Variants in DHPS observed in about 807,000 individuals in gnomAD.
DHPS encodes migration-inducing gene 13.
In DHPS, 24 loss-of-function variants were observed where a neutral mutation model predicts 38.7. The observed-to-expected ratio is 0.62, with a 90% CI of 0.45 to 0.87. DHPS has a LOEUF of 0.87. DHPS is among the 40% of genes least tolerant of loss of function. The pLI is 0.00. For missense variants in DHPS, 510 were observed against 497.6 expected, an observed-to-expected ratio of 1.02 and a Z score of -0.24; for synonymous variants, 250 against 204.4, an observed-to-expected ratio of 1.22 and a Z score of -1.90.
intron 2 of DHPS, 79 bp downstream of exon 2, chr19:12,680,082 G>T: frequency 6.3e-7 from 1 of 1,582,858 alleles, no homozygotes; most frequent in Non-Finnish European, 8.6e-7. Flanking sequence ...ACCCCTATCT[G>T]CCCATCTCAC....
rs757017548 is a variant in DHPS, at chr19:12,679,552, G to A, written c.592-9C>T. The A allele has an allele frequency of 3.1e-6, 5 of 1,614,050 alleles. No individual in the cohort carries two copies. In the African/African-American group the frequency reaches 4.0e-5, roughly 13 times the overall value. The stretch of plus-strand genomic sequence containing the variant: ...GGCGTCCACTTTACACCCTAGGAGA[G>A]GATGTGACCTTCAGGCCATGCCTCC... On this transcript the variant is annotated splice_polypyrimidine_tract_variant and intron_variant, in intron 4 of 8. Coordinates refer to ENST00000210060, the MANE Select transcript of DHPS (RefSeq NM_001930.4).
chr19:12,675,003 A>G (rs1366126335), downstream of DHPS, among the ~76,000 whole-genome samples: 1 of 151,922 alleles, frequency 6.6e-6, no homozygotes, highest in Non-Finnish European at 1.5e-5. Context: ...AATCCCACCT[A>G]CTCGGGAGGC....
Position 12,681,550 on chromosome 19 carries a change from C to T in DHPS, c.207+10G>A. The T allele has an allele frequency of 1.2e-6, 2 of 1,614,182 alleles. No homozygotes were observed. The highest frequency in any genetic ancestry group is 1.7e-6 in the Non-Finnish European group (2 of 1,179,988). ...CCTCCGCGTCCCTAGAAATTCCGCC[C>T]GGTCCTCACCATGGCATTGACTTGC... On this transcript the variant is annotated intron_variant, in intron 1 of 8. Transcript: ENST00000210060.
downstream of DHPS, among the ~76,000 whole-genome samples, chr19:12,674,605 T>C (rs2024515198): frequency 6.6e-6 from 1 of 152,172 alleles, no homozygotes. Flanking sequence ...AAGCATGGCT[T>C]GCTTGAGGAA....
At chr19:12,672,829 A>G (rs1185017124), downstream of DHPS, 2 of 1,568,796 alleles carry the variant, frequency 1.3e-6, no homozygotes, top group African/African-American at 1.4e-5. Flanking sequence ...TTCCCGCTGG[A>G]TCTACCCTCT....
intron 2 of DHPS, 40 bp from the exon 3 acceptor site, chr19:12,679,962 C>A (rs369501344): frequency 9.4e-6 from 15 of 1,591,160 alleles, no homozygotes; most frequent in Non-Finnish European, 1.3e-5. Flanking sequence ...AAGAAGGAAG[C>A]CCCTGCCCTC....
rs1160287106 is a variant in DHPS, at chr19:12,675,900, G to C, written c.1048C>G (p.Leu350Val). The C allele has an allele frequency of 6.2e-7, 1 of 1,610,270 alleles. No homozygotes were observed. ...YADASLVFPL[L>V]VAETFAQKMD... ...TTCTGGGCAAAGGTTTCAGCCACAAGCAGGGGGAAGACCAGGGAGGCGTCA... is the reference window on the plus strand; with the variant it reads ...TTCTGGGCAAAGGTTTCAGCCACAACCAGGGGGAAGACCAGGGAGGCGTCA... The change falls in exon 9 of 9, where the codon CTT becomes GTT. Residue 350 changes from leucine to valine, a missense_variant. Leu to Val is a conservative substitution (Grantham distance 32). Coordinates refer to ENST00000210060, the MANE Select transcript of DHPS (RefSeq NM_001930.4).
At chr19:12,673,076 T>C (rs1157249470), downstream of DHPS, 1 of 1,611,890 alleles carries the variant, frequency 6.2e-7, no homozygotes, top group Admixed American at 1.7e-5. Flanking sequence ...GGACTCCACA[T>C]TGCGGCTCCT....
chr19:12,679,610 G>A lies in DHPS; in HGVS notation c.591+13C>T, dbSNP rs767828267. On this transcript the variant is annotated intron_variant, in intron 4 of 8. Transcript: ENST00000210060. ...CCCACTGAACTGGCCCCTCCAGGTT[G>A]CCCCAGCCCCACCTCTGTGTTCTGC... 1.2e-6 allele frequency: 2 copies of A among 1,614,072 alleles called. No homozygotes were observed. The highest frequency in any genetic ancestry group is 1.7e-5 in the Admixed American group (1 of 60,010).
intron 5 of DHPS, 117 bp downstream of exon 5, chr19:12,679,340 C>T: frequency 9.9e-7 from 1 of 1,011,186 alleles, no homozygotes; most frequent in Non-Finnish European, 1.5e-6. Flanking sequence ...TTTGAGTCTC[C>T]TCATCTAAGA....
downstream of DHPS, chr19:12,675,681 G>T (rs757984573): frequency 2.1e-5 from 34 of 1,599,632 alleles, no homozygotes; most frequent in African/African-American, 2.7e-5. Context: ...GAAGCCAGGG[G>T]ACCCACCAAC....
At chr19:12,676,578 CA>C in intron 7 of DHPS, 1 of 219,486 alleles carries the variant, frequency 4.6e-6, no homozygotes, top group African/African-American at 2.3e-5. Flanking sequence ...GTGCAAAAGC[CA>C]AAGCCCCGCC....
At chr19:12,674,602 G>A (rs1028476746), downstream of DHPS, among the ~76,000 whole-genome samples, 4 of 152,218 alleles carry the variant, frequency 2.6e-5, no homozygotes, top group Non-Finnish European at 5.9e-5. Context: ...AGGAAGCATG[G>A]CTTGCTTGAG....
At chr19:12,680,076 C>G in intron 2 of DHPS, 85 bp downstream of exon 2, 1 of 1,579,806 alleles carries the variant, frequency 6.3e-7, no homozygotes, top group Non-Finnish European at 8.7e-7. Context: ...TAACAGACCC[C>G]TATCTGCCCA....
intron 7 of DHPS, 60 bp from the exon 8 acceptor site, chr19:12,676,202 G>C (rs2024581809): frequency 3.4e-6 from 4 of 1,178,028 alleles, no homozygotes; most frequent in African/African-American, 1.7e-5. Context: ...CAGACACAGA[G>C]GGAGGACACC....
chr19:12,678,258 CAAAA>C (rs200039394), intron 5 of DHPS, among the ~76,000 whole-genome samples: 1 of 114,384 alleles, frequency 8.7e-6, no homozygotes, highest in East Asian at 2.6e-4. Context: ...AACTCCGTCT[CAAAA>C]AAAAAAAAAG....
At chr19:12,675,651 G>T, downstream of DHPS, 1 of 1,601,388 alleles carries the variant, frequency 6.2e-7, no homozygotes. Context: ...AGGCCTATGA[G>T]GCAGAGGATG....
downstream of DHPS, chr19:12,673,409 T>A (rs530210026): frequency 1.1e-5 from 4 of 367,694 alleles, no homozygotes; most frequent in East Asian, 6.4e-5. Flanking sequence ...AAGGCTAGGA[T>A]CTTTTTTTTT....
Position 12,680,223 on chromosome 19 carries a change from T to C in DHPS, c.310A>G (p.Thr104Ala). ...ATGCCTGAACTGATGAGGTTGGATG[T>C]ATATCCCAGGAAAATGGTGCAGCTG... ...LTSCTIFLGY[T>A]SNLISSGIRE... The change falls in exon 2 of 9, where the codon ACA (threonine) becomes GCA (alanine). Residue 104 changes from threonine to alanine, a missense_variant. Transcript: ENST00000210060. The C allele has an allele frequency of 6.2e-7, 1 of 1,614,126 alleles. No individual in the cohort carries two copies. The highest frequency in any genetic ancestry group is 8.5e-7 in the Non-Finnish European group (1 of 1,180,028).
Sources: gnomAD v4.1 joint callset for allele counts (sites outside exome capture counted in the v4.1 genomes callset) on GRCh38, gnomAD v4.1.1 for gene constraint, MANE v1.5 for transcripts, NCBI Gene and HGNC (gene_info 2026-07-23, HGNC 2026-07-21) for gene names.